Variants in FHIT observed in about 807,000 individuals in gnomAD.
FHIT encodes the protein fragile histidine triad diadenosine triphosphatase, also known as bis(5'-adenosyl)-triphosphatase.
In FHIT, 19 loss-of-function variants were observed where a neutral mutation model predicts 17.9. The ratio of observed to expected loss-of-function variants is 1.06; its 90% CI spans 0.74 to 1.56. FHIT has a LOEUF of 1.56. FHIT is among the 40% of genes most tolerant of loss of function. FHIT has a pLI of 0.00. For synonymous variants in FHIT, 81 were observed against 69.7 expected (o/e 1.16, Z -0.81); for missense variants, 248 against 189.2 (o/e 1.31, Z -1.82).
At chr3:60,730,418 AT>A in intron 4 of FHIT, 1 of 235,206 alleles carries the variant, frequency 4.3e-6, no homozygotes. Flanking sequence ...GAAAATGTGT[AT>A]TTCCCACTGG....
At chr3:60,795,156 A>G (rs1429113250) in intron 4 of FHIT, among the ~76,000 whole-genome samples, 5 of 152,164 alleles carry the variant, frequency 3.3e-5, no homozygotes, top group Non-Finnish European at 7.3e-5. Flanking sequence ...ATAACTATAC[A>G]CAGAACCTCC....
At chr3:60,111,434 C>G (rs746537129) in intron 5 of FHIT, among the ~76,000 whole-genome samples, 3 of 152,182 alleles carry the variant, frequency 2.0e-5, no homozygotes, top group African/African-American at 4.8e-5. Context: ...TCTAAAACCA[C>G]TGATATATAA....
At chr3:61,069,704 A>C (rs1000151401) in intron 2 of FHIT, among the ~76,000 whole-genome samples, 23 of 152,224 alleles carry the variant, frequency 1.5e-4, no homozygotes, top group African/African-American at 5.5e-4. Flanking sequence ...GCGTGATTTT[A>C]AACTCTTCGT....
At chr3:59,904,630 T>TTA (rs1704499771) in intron 8 of FHIT, among the ~76,000 whole-genome samples, 1 of 152,150 alleles carries the variant, frequency 6.6e-6, no homozygotes, top group African/African-American at 2.4e-5. Flanking sequence ...GCTTCTTGTG[T>TTA]TATAGCTTGT....
intron 4 of FHIT, among the ~76,000 whole-genome samples, chr3:60,707,885 T>C (rs145478127): frequency 1.8e-4 from 28 of 152,334 alleles, no homozygotes; most frequent in African/African-American, 6.7e-4. Context: ...TTAGTTTGGG[T>C]ATACTGTTGC....
intron 4 of FHIT, among the ~76,000 whole-genome samples, chr3:60,772,562 G>A (rs1447008603): frequency 6.6e-6 from 1 of 152,022 alleles, no homozygotes; most frequent in Non-Finnish European, 1.5e-5. Context: ...AAGCTGCCAA[G>A]CTAGCTTTGG....
intron 5 of FHIT, among the ~76,000 whole-genome samples, chr3:60,176,132 C>T (rs1701657712): frequency 6.6e-6 from 1 of 152,176 alleles, no homozygotes; most frequent in Non-Finnish European, 1.5e-5. Flanking sequence ...GAAGGTGGAT[C>T]ACCTGAGTCA....
intron 7 of FHIT, among the ~76,000 whole-genome samples, chr3:59,976,593 C>T (rs192874719): frequency 1.3e-5 from 2 of 152,072 alleles, no homozygotes; most frequent in East Asian, 1.9e-4. Context: ...TATTTAACAT[C>T]TCCAGGCACA....
rs551046445 is a variant in FHIT, at chr3:60,971,087, GCCAGGCGCAGTGGCTTA to G, written c.-111+70943_-111+70959del. Among the ~76,000 whole-genome samples the G allele has an allele frequency of 7.2e-5, 11 of 152,226 alleles. No individual in the cohort carries two copies. The South Asian group carries it at 1.7e-3, about 23-fold the overall frequency. The stretch of plus-strand genomic sequence containing the variant: ...ACATACGAAAAAATAATGATAATGG[GCCAGGCGCAGTGGCTTA>G]CACCTGTAATCCCAGCACTTTGGGA... On this transcript the variant is annotated intron_variant, in intron 3 of 9. Coordinates refer to ENST00000492590, the MANE Select transcript of FHIT (RefSeq NM_002012.4).
At chr3:61,220,046 G>T (rs1380016060) in intron 1 of FHIT, among the ~76,000 whole-genome samples, 1 of 147,462 alleles carries the variant, frequency 6.8e-6, no homozygotes, top group Non-Finnish European at 1.5e-5. Flanking sequence ...TTAAGGAATT[G>T]GTTATTGACC....
chr3:60,742,783 G>T (rs1553714206), intron 4 of FHIT, among the ~76,000 whole-genome samples: 1 of 152,144 alleles, frequency 6.6e-6, no homozygotes, highest in Non-Finnish European at 1.5e-5. Flanking sequence ...GCCTAAATAT[G>T]GACTGTTCTG....
intron 5 of FHIT, among the ~76,000 whole-genome samples, chr3:60,480,688 C>A (rs1007346224): frequency 1.3e-5 from 2 of 152,204 alleles, no homozygotes; most frequent in Non-Finnish European, 2.9e-5. Flanking sequence ...AAATGATCTC[C>A]TCTGACTCCA....
intron 2 of FHIT, among the ~76,000 whole-genome samples, chr3:61,133,551 T>C (rs753026117): frequency 2.6e-5 from 4 of 152,150 alleles, no homozygotes; most frequent in Admixed American, 6.5e-5. Flanking sequence ...AGATTTCAAA[T>C]AGCTTGAAAC....
chr3:60,272,643 C>T (rs1706918110), intron 5 of FHIT, among the ~76,000 whole-genome samples: 1 of 152,226 alleles, frequency 6.6e-6, no homozygotes, highest in South Asian at 2.1e-4. Context: ...GGATGAGGAC[C>T]TCACTGAATG....
chr3:60,043,401 G>T (rs1252416592), intron 5 of FHIT, among the ~76,000 whole-genome samples: 1 of 152,056 alleles, frequency 6.6e-6, no homozygotes, highest in Non-Finnish European at 1.5e-5. Context: ...TTCTAGCACC[G>T]TGCCAGGCAC....
chr3:60,346,579 G>A (rs1029443355), intron 5 of FHIT, among the ~76,000 whole-genome samples: 3 of 152,172 alleles, frequency 2.0e-5, no homozygotes, highest in Non-Finnish European at 4.4e-5. Flanking sequence ...ACGCTTTGCT[G>A]AGAGTTTGTT....
intron 4 of FHIT, among the ~76,000 whole-genome samples, chr3:60,701,228 A>T (rs1309644837): frequency 6.7e-6 from 1 of 148,818 alleles, no homozygotes. Context: ...GGCTCTGGTG[A>T]TCCTCCAACC....
chr3:59,803,266 G>A (rs960465641), intron 8 of FHIT, among the ~76,000 whole-genome samples: 9 of 152,216 alleles, frequency 5.9e-5, no homozygotes, highest in African/African-American at 2.2e-4. Context: ...ACAGGGACGA[G>A]GTAAATTTTT....
In FHIT at chr3:59,752,226, T is replaced by G; in HGVS notation, c.444A>C (p.Ter148CysextTer19). The stretch of plus-strand genomic sequence containing the variant: ...TGACGAAATGCAGTCTTTACCTGTG[T>G]CACTGAAAGTAGACCCGCAGAGCTG... ...EAAALRVYFQ[*>C] The change falls in exon 9 of 10, where the codon TGA becomes TGC. Residue 148 changes from the stop codon to cysteine, a stop_lost. Transcript: ENST00000492590. 1 of 1,611,414 alleles carries G rather than the reference T, an allele frequency of 6.2e-7. No homozygotes were observed. Among genetic ancestry groups the G allele is most frequent in the Non-Finnish European group, 8.5e-7 (1 of 1,178,070 alleles).
Sources: allele counts gnomAD v4.1 joint callset (sites outside exome capture counted in the v4.1 genomes callset), GRCh38; gene constraint gnomAD v4.1.1; transcripts MANE v1.5; gene names NCBI Gene and HGNC (gene_info 2026-07-23, HGNC 2026-07-21).